Variants in KMT2C observed in about 807,000 individuals in gnomAD.
KMT2C encodes the protein histone-lysine N-methyltransferase 2C.
A neutral mutation model predicts 507.9 loss-of-function variants in KMT2C; 88 were observed. The ratio of observed to expected loss-of-function variants is 0.17; its 90% CI spans 0.15 to 0.21. The LOEUF is 0.21. Ranked by LOEUF, KMT2C falls within the 10% of genes least tolerant of loss-of-function variation. The pLI is 1.00. For synonymous variants in KMT2C, 2,049 were observed against 2,080.8 expected (o/e 0.98, Z 0.42); for missense variants, 4,954 against 5,957.8 (o/e 0.83, Z 5.55).
At chr7:152,141,778 G>A (rs2090589593) in intron 55 of KMT2C, among the ~76,000 whole-genome samples, 1 of 151,924 alleles carries the variant, frequency 6.6e-6, no homozygotes, top group Admixed American at 6.6e-5. Flanking sequence ...CAGCACTTTG[G>A]GAGGCCGAGG....
intron 2 of KMT2C, among the ~76,000 whole-genome samples, chr7:152,353,010 T>C (rs1250450106): frequency 6.6e-6 from 1 of 152,188 alleles, no homozygotes; most frequent in Non-Finnish European, 1.5e-5. Context: ...GACCTGATTA[T>C]GTGATTCTCA....
Position 152,290,284 on chromosome 7 carries a change from ATATATATATATTTTTTTTTTTTTTTT to A in KMT2C, c.850-16443_850-16418del, listed in dbSNP as rs2096399749. Among the ~76,000 whole-genome samples, 10 of 33,974 alleles carry A rather than the reference ATATATATATATTTTTTTTTTTTTTTT, an allele frequency of 2.9e-4. 1 individual carries two copies. The highest frequency in any genetic ancestry group is 1.3e-3 in the African/African-American group (10 of 7,488). 22.3% of individuals were successfully genotyped at this position (33,974 alleles called of 152,430 possible). On this transcript the variant is annotated intron_variant, in intron 6 of 58. Coordinates refer to ENST00000262189, the MANE Select transcript of KMT2C (RefSeq NM_170606.3). ...TATATATATATATATATATATATAT[ATATATATATATTTTTTTTTTTTTTTT>A]TTTTTTTTTTTTTTGTCTGAGATGG...
chr7:152,225,273 G>A (rs2094892016), intron 18 of KMT2C, among the ~76,000 whole-genome samples: 1 of 152,222 alleles, frequency 6.6e-6, no homozygotes, highest in African/African-American at 2.4e-5. Flanking sequence ...TCCTCAGACA[G>A]AACCAATCAA....
In KMT2C at chr7:152,330,583, C is replaced by G. The variant is rs773766426; in HGVS notation, c.389+18G>C. 3.1e-6 allele frequency: 5 copies of G among 1,611,832 alleles called. No homozygotes were observed. The African/African-American group carries it at 6.7e-5, about 22-fold the overall frequency. ...TTCCTGTCACTAATATCCAATCCAG[C>G]TGCATTCATTCTCTAACCTGATTTT... On this transcript the variant is annotated intron_variant, in intron 3 of 58. Coordinates refer to ENST00000262189, the MANE Select transcript of KMT2C (RefSeq NM_170606.3).
chr7:152,344,726 G>A (rs939401201), intron 2 of KMT2C, among the ~76,000 whole-genome samples: 3 of 151,798 alleles, frequency 2.0e-5, no homozygotes, highest in East Asian at 2.0e-4. Flanking sequence ...GGTGGCTCAC[G>A]CCTGTAATCC....
At chr7:152,357,158 T>C (rs1019062825) in intron 2 of KMT2C, among the ~76,000 whole-genome samples, 2 of 141,162 alleles carry the variant, frequency 1.4e-5, no homozygotes, top group East Asian at 4.2e-4. Flanking sequence ...GCCCGGCGGG[T>C]GGAGGTTGCA....
chr7:152,366,872 G>T (rs1016207914), intron 1 of KMT2C: 3 of 329,556 alleles, frequency 9.1e-6, no homozygotes, highest in African/African-American at 2.3e-5. Context: ...GCAGAGCCGG[G>T]CGCAGCAAGG....
intron 6 of KMT2C, among the ~76,000 whole-genome samples, chr7:152,303,844 C>T (rs996259297): frequency 1.3e-5 from 2 of 152,114 alleles, no homozygotes; most frequent in Non-Finnish European, 2.9e-5. Flanking sequence ...AAAAATTAGC[C>T]AGGCGTGGTG....
intron 1 of KMT2C, among the ~76,000 whole-genome samples, chr7:152,418,048 C>G (rs954334683): frequency 6.6e-6 from 1 of 151,418 alleles, no homozygotes; most frequent in African/African-American, 2.4e-5. Flanking sequence ...TGCCTCGATA[C>G]TCCTTCCTTA....
chr7:152,189,343 A>G (rs768019774), intron 31 of KMT2C, among the ~76,000 whole-genome samples: 1 of 152,236 alleles, frequency 6.6e-6, no homozygotes, highest in Admixed American at 6.5e-5. Flanking sequence ...GTGGAAATAC[A>G]CAAGGCCTCT....
At chr7:152,392,775 T>G (rs548428721) in intron 1 of KMT2C, among the ~76,000 whole-genome samples, 264 of 152,072 alleles carry the variant, frequency 1.7e-3, no homozygotes, top group African/African-American at 5.8e-3. Flanking sequence ...AAGCTCACAC[T>G]CAAAACCTCC....
intron 16 of KMT2C, among the ~76,000 whole-genome samples, chr7:152,235,223 A>ATATATATATATATATATATC (rs930686899): frequency 2.8e-4 from 43 of 151,368 alleles, no homozygotes; most frequent in Middle Eastern, 3.4e-3. Context: ...ATATATATAT[A>ATATATATATATATATATATC]TCAAAGCTTA....
At chr7:152,170,090 T>C (rs183824969) in intron 40 of KMT2C, among the ~76,000 whole-genome samples, 12 of 152,318 alleles carry the variant, frequency 7.9e-5, no homozygotes, top group Non-Finnish European at 1.6e-4. Context: ...ATCTTCACAA[T>C]ACTACAAAGC....
intron 7 of KMT2C, among the ~76,000 whole-genome samples, chr7:152,265,578 C>T (rs896385848): frequency 6.6e-6 from 1 of 152,098 alleles, no homozygotes; most frequent in African/African-American, 2.4e-5. Flanking sequence ...TTAAGAAATG[C>T]TTTGCAGTGT....
intron 24 of KMT2C, among the ~76,000 whole-genome samples, chr7:152,206,564 T>A (rs1406196791): frequency 6.6e-6 from 1 of 152,080 alleles, no homozygotes; most frequent in Non-Finnish European, 1.5e-5. Flanking sequence ...ATAAGAAGCA[T>A]AAAGATTGTA....
chr7:152,307,998 C>G (rs1270259478), intron 6 of KMT2C, among the ~76,000 whole-genome samples: 1 of 152,144 alleles, frequency 6.6e-6, no homozygotes, highest in Non-Finnish European at 1.5e-5. Context: ...ATTCATAAAA[C>G]AGATGGTTTT....
intron 31 of KMT2C, among the ~76,000 whole-genome samples, chr7:152,193,214 G>A (rs910934175): frequency 6.6e-5 from 10 of 152,014 alleles, no homozygotes; most frequent in East Asian, 1.9e-4. Context: ...TTATATACAC[G>A]CCACCATGCA....
intron 1 of KMT2C, among the ~76,000 whole-genome samples, chr7:152,401,133 T>C (rs2116607263): frequency 6.6e-6 from 1 of 151,360 alleles, no homozygotes; most frequent in African/African-American, 2.4e-5. Context: ...TCACCCAGGC[T>C]GGAGTGCAAT....
intron 23 of KMT2C, 114 bp downstream of exon 23, chr7:152,220,409 G>A (rs2094728664): frequency 1.1e-5 from 9 of 820,802 alleles, no homozygotes; most frequent in African/African-American, 1.7e-5. Flanking sequence ...TCACATCAGG[G>A]GTTAACTAAG....
Sources: gnomAD v4.1 joint callset for allele counts (sites outside exome capture counted in the v4.1 genomes callset) on GRCh38, gnomAD v4.1.1 for gene constraint, MANE v1.5 for transcripts, NCBI Gene and HGNC (gene_info 2026-07-23, HGNC 2026-07-21) for gene names.